The following MUC12 variants were observed in gnomAD, a reference collection of about 807,000 sequenced individuals.
MUC12 encodes the protein mucin 12, cell surface associated.
A neutral mutation model predicts 230.8 loss-of-function variants in MUC12; 172 were observed. The observed-to-expected ratio is 0.75, with a 90% CI of 0.66 to 0.85. MUC12 has a LOEUF of 0.85. MUC12 is among the 40% of genes least tolerant of loss of function. The pLI, the probability that MUC12 is intolerant of heterozygous loss-of-function variation, is 0.00. For missense variants in MUC12, 3,506 were observed against 5,920.6 expected, an observed-to-expected ratio of 0.59 and a Z score of 13.38; for synonymous variants, 1,259 against 2,401.9, an observed-to-expected ratio of 0.52 and a Z score of 13.91.
chr7:101,004,472 A>G lies in MUC12; in HGVS notation c.13909A>G (p.Thr4637Ala). The change falls in exon 2 of 12, where the codon ACA (threonine) becomes GCA (alanine). Residue 4637 changes from threonine (T) to alanine (A), a missense_variant. By Grantham distance (58) the Thr-to-Ala change is moderately conservative. Transcript: ENST00000536621. ...AGAATCAAGAACTTCCCACAGCAGC[A>G]CAACACACACAATATCTTCACCTCC... ...SEESRTSHSS[T>A]THTISSPPST... is the part of the protein sequence containing the mutation. The G allele has an allele frequency of 6.5e-7, 1 of 1,528,808 alleles. No homozygotes were observed. The highest frequency in any genetic ancestry group is 8.7e-7 in the Non-Finnish European group (1 of 1,144,818). 94.7% of individuals were successfully genotyped at this position (1,528,808 alleles called of 1,614,324 possible).
At chr7:100,975,041 G>A (rs943132917) in intron 1 of MUC12, among the ~76,000 whole-genome samples, 2 of 152,306 alleles carry the variant, frequency 1.3e-5, no homozygotes, top group Non-Finnish European at 2.9e-5. Context: ...TGGGCCTGTT[G>A]AGTGTGGAAT....
At chr7:100,969,788 C>A in intron 1 of MUC12, 99 bp downstream of exon 1, 1 of 1,457,546 alleles carries the variant, frequency 6.9e-7, no homozygotes, top group Non-Finnish European at 9.3e-7. Flanking sequence ...GCCTCCTCCC[C>A]TTTGCATGGC....
intron 1 of MUC12, among the ~76,000 whole-genome samples, chr7:100,986,087 G>A (rs1223937291): frequency 6.6e-6 from 1 of 152,136 alleles, no homozygotes; most frequent in Non-Finnish European, 1.5e-5. Flanking sequence ...TGTGGCCGGT[G>A]TGTGCCTCAA....
chr7:101,013,736 A>G (rs1315336206), intron 8 of MUC12, among the ~76,000 whole-genome samples, 177 bp from the exon 9 acceptor site: 1 of 151,782 alleles, frequency 6.6e-6, no homozygotes, highest in Non-Finnish European at 1.5e-5. Context: ...GGTCCCCCCA[A>G]CTCCCTCAGT....
At chr7:101,006,624 A>C (rs1793757700) in intron 3 of MUC12, 52 bp downstream of exon 3, 3 of 1,242,456 alleles carry the variant, frequency 2.4e-6, no homozygotes, top group African/African-American at 3.0e-5. Flanking sequence ...TTCACCCCTG[A>C]AAACAGCATG....
At chr7:100,971,203 T>C (rs375684998) in intron 1 of MUC12, among the ~76,000 whole-genome samples, 56 of 826 alleles carry the variant, frequency 0.068, 1 homozygote, top group Middle Eastern at 0.5. Flanking sequence ...AAACCGTGGC[T>C]GAGGGGCTGT....
chr7:100,972,060 T>C, intron 1 of MUC12: 2 of 702,558 alleles, frequency 2.8e-6, no homozygotes, highest in Non-Finnish European at 5.2e-6. Context: ...GTAGGGCCAC[T>C]CCGGAGGGCT....
chr7:100,991,045 T>C lies in MUC12; in HGVS notation c.482T>C (p.Val161Ala). ...CCTGCCCGCACGACAAGCTCAGGCGTCAGTGAAAAATCAACCACCTCCCAC... is the reference window on the plus strand; with the variant it reads ...CCTGCCCGCACGACAAGCTCAGGCGCCAGTGAAAAATCAACCACCTCCCAC... Reference protein sequence around the residue: ...LSPARTTSSGVSEKSTTSHSR... With the variant: ...LSPARTTSSGASEKSTTSHSR... The change falls in exon 2 of 12, where the codon GTC (valine) becomes GCC (alanine). Residue 161 changes from valine to alanine, a missense_variant. By Grantham distance (64) the Val-to-Ala change is moderately conservative. Transcript: ENST00000536621. 8 of 1,537,240 alleles carry C rather than the reference T, an allele frequency of 5.2e-6. No individual in the cohort carries two copies. Among genetic ancestry groups the C allele is most frequent in the Non-Finnish European group, 7.0e-6 (8 of 1,146,818 alleles).
At chr7:100,981,316 G>A in intron 1 of MUC12, 1 of 518,938 alleles carries the variant, frequency 1.9e-6, no homozygotes, top group Non-Finnish European at 3.4e-6. Flanking sequence ...ATCCCAGGTT[G>A]GGAGGGGTCT....
intron 1 of MUC12, among the ~76,000 whole-genome samples, chr7:100,981,039 A>G (rs1465169250): frequency 6.6e-6 from 1 of 152,224 alleles, no homozygotes. Context: ...ACTAGCTACT[A>G]TAGTCATCTA....
chr7:100,976,666 A>G (rs1382028816), intron 1 of MUC12, among the ~76,000 whole-genome samples: 1 of 152,084 alleles, frequency 6.6e-6, no homozygotes, highest in Non-Finnish European at 1.5e-5. Context: ...TTATAATATT[A>G]TCTCATTTAA....
Position 100,995,705 on chromosome 7 carries a change from A to C in MUC12, c.5142A>C (p.Thr1714=). 2.0e-6 allele frequency: 3 copies of C among 1,536,884 alleles called. No homozygotes were observed. Among genetic ancestry groups the C allele is most frequent in the Non-Finnish European group, 2.6e-6 (3 of 1,146,992 alleles). The change falls in exon 2 of 12, where the codon ACA becomes ACC. Residue 1714 remains threonine (T), a synonymous_variant. Coordinates refer to ENST00000536621, the MANE Select transcript of MUC12 (RefSeq NM_001164462.2). ...TTTSAFVELS[T]TSHGSPSSTP... ...CATCAGCCTTTGTTGAGCTATCTAC[A>C]ACCTCCCACGGCAGCCCGAGCTCAA...
intron 1 of MUC12, among the ~76,000 whole-genome samples, chr7:100,974,824 C>CT: frequency 9.1e-6 from 1 of 110,272 alleles, no homozygotes; most frequent in Admixed American, 1.1e-4. Flanking sequence ...GACCTTGTCT[C>CT]AAATAATAAT....
At chr7:100,974,989 A>G (rs1339312964) in intron 1 of MUC12, among the ~76,000 whole-genome samples, 3 of 152,300 alleles carry the variant, frequency 2.0e-5, no homozygotes, top group Non-Finnish European at 4.4e-5. Context: ...ATTGACCGGG[A>G]GGACAGGAGC....
At chr7:101,010,512 A>AT (rs1793825960) in intron 5 of MUC12, among the ~76,000 whole-genome samples, 1 of 150,838 alleles carries the variant, frequency 6.6e-6, no homozygotes, top group Admixed American at 6.6e-5. Context: ...AATTTTTGTA[A>AT]TTTTTTTGTT....
At chr7:100,983,418 A>G (rs899542860) in intron 1 of MUC12, among the ~76,000 whole-genome samples, 1 of 134,180 alleles carries the variant, frequency 7.5e-6, no homozygotes, top group African/African-American at 2.8e-5. Flanking sequence ...AGACTCCGTT[A>G]AAAAAAAAAA....
intron 4 of MUC12, 67 bp downstream of exon 4, chr7:101,008,828 C>G: frequency 5.4e-6 from 8 of 1,490,088 alleles, no homozygotes; most frequent in Non-Finnish European, 7.1e-6. Flanking sequence ...GGGGGGTGCA[C>G]CCCAACTTAG....
Position 101,003,639 on chromosome 7 carries a change from G to T in MUC12, c.13076G>T (p.Ser4359Ile), listed in dbSNP as rs1255372417. ...FVELSTTSHG[S>I]PSSTPTTHFS... ...GAGCTATCTACAACCTCCCACGGCA[G>T]CCCGAGCTCAACTCCAACAACCCAC... Residue 4359 changes from serine to isoleucine, a missense_variant, in exon 2 of 12, where the codon AGC (serine) becomes ATC (isoleucine). Ser to Ile is a moderately radical substitution (Grantham distance 142, BLOSUM62 -2). Coordinates refer to ENST00000536621, the MANE Select transcript of MUC12 (RefSeq NM_001164462.2). 1 of 1,525,230 alleles carries T rather than the reference G, an allele frequency of 6.6e-7. No homozygotes were observed. Among genetic ancestry groups the T allele is most frequent in the Non-Finnish European group, 8.8e-7 (1 of 1,141,648 alleles). The allele number at this position is 1,525,230 out of a possible 1,614,324, so 94.5% of individuals were successfully genotyped here.
chr7:100,991,489 C>A lies in MUC12; in HGVS notation c.926C>A (p.Pro309Gln). 1 of 1,537,420 alleles carries A rather than the reference C, an allele frequency of 6.5e-7. No individual in the cohort carries two copies. Among genetic ancestry groups the A allele is most frequent in the Admixed American group, 2.0e-5 (1 of 50,980 alleles). The change falls in exon 2 of 12, where the codon CCG becomes CAG. Residue 309 changes from proline (P) to glutamine (Q), a missense_variant. Pro to Gln is a moderately conservative substitution (Grantham distance 76). Coordinates refer to ENST00000536621, the MANE Select transcript of MUC12 (RefSeq NM_001164462.2). ...CTATCTACAACTTATCACAGCAGCC[C>A]GAGCTCAACTCCAACAACCCACTTT... ...VKLSTTYHSSPSSTPTTHFSA... is the reference protein window; with the variant it reads ...VKLSTTYHSSQSSTPTTHFSA...
Sources: allele counts gnomAD v4.1 joint callset (sites outside exome capture counted in the v4.1 genomes callset), GRCh38; gene constraint gnomAD v4.1.1; transcripts MANE v1.5; gene names NCBI Gene and HGNC (gene_info 2026-07-23, HGNC 2026-07-21).